LINGO2: variants seen among roughly 807,000 people sequenced by gnomAD.
The protein encoded by LINGO2 is leucine-rich repeat and immunoglobulin-like domain-containing nogo receptor-interacting protein 2.
LINGO2 carries 14 observed loss-of-function variants against 30.6 expected under a neutral mutation model. The ratio of observed to expected loss-of-function variants is 0.46; its 90% CI spans 0.30 to 0.72. The LOEUF (loss-of-function observed/expected upper bound fraction) is 0.72, where lower values mean the gene tolerates loss of function less well. Among genes scored for constraint, LINGO2 ranks in the 30% least tolerant of loss-of-function variants. The pLI is 0.07. For missense variants in LINGO2, 729 were observed against 751.7 expected, an observed-to-expected ratio of 0.97 and a Z score of 0.35; for synonymous variants, 317 against 288.5, an observed-to-expected ratio of 1.10 and a Z score of -1.00.
chr9:28,565,502 T>TTA (rs35281759), intron 1 of LINGO2, among the ~76,000 whole-genome samples: 3 of 111,532 alleles, frequency 2.7e-5, no homozygotes, highest in Non-Finnish European at 4.0e-5. Context: ...ATTATTTTTA[T>TTA]TTTTTTTTTT....
the LINGO2 span, among the ~76,000 whole-genome samples, chr9:29,176,122 T>C: frequency 6.6e-6 from 1 of 152,148 alleles, no homozygotes; most frequent in African/African-American, 2.4e-5. Flanking sequence ...TTTAAACATA[T>C]TATCACATTT....
At chr9:28,121,596 T>G (rs547170412) in intron 4 of LINGO2, among the ~76,000 whole-genome samples, 107 of 152,224 alleles carry the variant, frequency 7.0e-4, no homozygotes, top group Non-Finnish European at 8.2e-4. Context: ...CTAAATGAAA[T>G]CAGCCGGGTC....
At chr9:29,144,320 G>A in the LINGO2 span, among the ~76,000 whole-genome samples, 1 of 151,996 alleles carries the variant, frequency 6.6e-6, no homozygotes, top group East Asian at 1.9e-4. Context: ...GTTTAATGGG[G>A]AACAGCAATG....
At chr9:29,124,874 C>G in the LINGO2 span, among the ~76,000 whole-genome samples, 1 of 152,030 alleles carries the variant, frequency 6.6e-6, no homozygotes, top group South Asian at 2.1e-4. Flanking sequence ...GGATCTAGAA[C>G]CAGAGATACC....
intron 3 of LINGO2, among the ~76,000 whole-genome samples, chr9:28,353,442 A>G (rs1021526171): frequency 1.5e-4 from 23 of 151,854 alleles, no homozygotes; most frequent in Admixed American, 5.2e-4. Context: ...GCAAATCAAA[A>G]CCACAATGAG....
chr9:28,927,896 G>C, the LINGO2 span, among the ~76,000 whole-genome samples: 2,118 of 152,310 alleles, frequency 0.014, 58 homozygotes, highest in African/African-American at 0.048. Context: ...AAGTGACAGA[G>C]TTGTGATTCA....
At chr9:29,203,732 T>A in the LINGO2 span, among the ~76,000 whole-genome samples, 1 of 152,174 alleles carries the variant, frequency 6.6e-6, no homozygotes, top group Non-Finnish European at 1.5e-5. Context: ...GGCCACTTAA[T>A]CCTCTTGCCT....
chr9:28,092,848 C>T (rs185745117), intron 4 of LINGO2, among the ~76,000 whole-genome samples: 36 of 152,098 alleles, frequency 2.4e-4, no homozygotes, highest in African/African-American at 8.2e-4. Flanking sequence ...CATTTTATGA[C>T]ATAGTATTAT....
At chr9:29,191,087 A>G in the LINGO2 span, among the ~76,000 whole-genome samples, 1 of 152,206 alleles carries the variant, frequency 6.6e-6, no homozygotes, top group Non-Finnish European at 1.5e-5. Context: ...TGTGAGAGAG[A>G]AATACCACAC....
chr9:28,734,696 A>G, the LINGO2 span, among the ~76,000 whole-genome samples: 601 of 152,300 alleles, frequency 3.9e-3, 4 homozygotes, highest in African/African-American at 0.013. Flanking sequence ...TGCTCCTTCA[A>G]TGAATTTTGA....
At chr9:28,389,530 A>G (rs1466974010) in intron 2 of LINGO2, among the ~76,000 whole-genome samples, 2 of 152,164 alleles carry the variant, frequency 1.3e-5, no homozygotes, top group Admixed American at 1.3e-4. Context: ...GCACAGAGGC[A>G]TCATTCCCAC....
chr9:28,795,444 A>T, the LINGO2 span, among the ~76,000 whole-genome samples: 3 of 152,222 alleles, frequency 2.0e-5, no homozygotes, highest in South Asian at 6.2e-4. Context: ...CAAAAATAAT[A>T]ATTATTACAT....
the LINGO2 span, among the ~76,000 whole-genome samples, chr9:28,995,862 G>T: frequency 1.4e-5 from 2 of 145,794 alleles, no homozygotes; most frequent in Non-Finnish European, 3.0e-5. Context: ...ACACTCTGGG[G>T]ACTGTTGTGG....
chr9:29,020,640 A>G, the LINGO2 span, among the ~76,000 whole-genome samples: 1 of 152,184 alleles, frequency 6.6e-6, no homozygotes, highest in Admixed American at 6.6e-5. Flanking sequence ...AGATCCAGGT[A>G]CTTGGCTGCA....
chr9:28,862,429 A>G, the LINGO2 span, among the ~76,000 whole-genome samples: 995 of 152,264 alleles, frequency 6.5e-3, 9 homozygotes, highest in Non-Finnish European at 0.01. Context: ...AAAAGTATAC[A>G]TATTGATTCA....
the LINGO2 span, among the ~76,000 whole-genome samples, chr9:28,798,412 G>A: frequency 6.6e-6 from 1 of 152,068 alleles, no homozygotes; most frequent in Non-Finnish European, 1.5e-5. Context: ...TTTGCCCACT[G>A]TTACAGGAGA....
chr9:28,344,846 GCAAA>G (rs1819503835), intron 3 of LINGO2, among the ~76,000 whole-genome samples: 2 of 152,152 alleles, frequency 1.3e-5, no homozygotes, highest in Non-Finnish European at 2.9e-5. Context: ...CCCTAGCTTA[GCAAA>G]CAGTTTACCT....
At chr9:28,737,837 C>A in the LINGO2 span, among the ~76,000 whole-genome samples, 3 of 152,162 alleles carry the variant, frequency 2.0e-5, no homozygotes, top group African/African-American at 7.2e-5. Flanking sequence ...CACACAAACA[C>A]ACACACATGC....
intron 1 of LINGO2, among the ~76,000 whole-genome samples, chr9:28,513,351 T>G (rs983562068): frequency 1.3e-5 from 2 of 152,222 alleles, no homozygotes; most frequent in Non-Finnish European, 2.9e-5. Flanking sequence ...GAATATTCTT[T>G]TAAATAACAT....
Sources: allele counts gnomAD v4.1 joint callset (sites outside exome capture counted in the v4.1 genomes callset), GRCh38; gene constraint gnomAD v4.1.1; transcripts MANE v1.5; gene names NCBI Gene and HGNC (gene_info 2026-07-23, HGNC 2026-07-21).